Variants in SYNCRIP observed in about 807,000 individuals in gnomAD.
The protein encoded by SYNCRIP is synaptotagmin binding cytoplasmic RNA interacting protein.
A neutral mutation model predicts 68.9 loss-of-function variants in SYNCRIP; 9 were observed. That is an observed-to-expected ratio of 0.13 (90% CI 0.08 to 0.23). SYNCRIP has a LOEUF of 0.23. Ranked by LOEUF, SYNCRIP falls within the 10% of genes least tolerant of loss-of-function variation. The pLI, the probability that SYNCRIP is intolerant of heterozygous loss-of-function variation, is 1.00. For synonymous variants in SYNCRIP, 258 were observed against 254.0 expected (o/e 1.02, Z -0.15); for missense variants, 414 against 770.6 (o/e 0.54, Z 5.48).
chr6:85,623,887 A>G, intron 7 of SYNCRIP, 90 bp downstream of exon 7: 1 of 1,476,374 alleles, frequency 6.8e-7, no homozygotes, highest in Non-Finnish European at 9.3e-7. Context: ...GAGTCAATAA[A>G]TGTATTTAGA....
chr6:85,614,072 G>A lies in SYNCRIP; in HGVS notation c.*684C>T. 1.0e-6 allele frequency: 1 copy of A among 985,806 alleles called. No individual in the cohort carries two copies. The highest frequency in any genetic ancestry group is 1.2e-6 in the Non-Finnish European group (1 of 829,934). 61.1% of individuals were successfully genotyped at this position (985,806 alleles called of 1,614,324 possible). A position where few individuals can be genotyped will look rare whatever the true frequency, so the allele number is the denominator to read the frequency against. ...AAGCAGAAAACTGCAATAAATCAGT[G>A]TTGTGTAATGTGCAGACATATTCCA... On this transcript the variant is annotated 3_prime_UTR_variant, in exon 11 of 11. Coordinates refer to ENST00000369622, the MANE Select transcript of SYNCRIP (RefSeq NM_006372.5).
In SYNCRIP at chr6:85,640,631, G is replaced by A. The variant is rs1358518708; in HGVS notation, c.149-67C>T. The A allele has an allele frequency of 2.9e-5, 27 of 937,356 alleles. 1 individual carries two copies. In the East Asian group the frequency reaches 6.4e-4, roughly 22 times the overall value. The allele number at this position is 937,356 out of a possible 1,614,324, so 58.1% of individuals were successfully genotyped here. Reference sequence around the variant, plus strand: ...AAGATTTTTTAGAGAAGACTATGTTGGCAATACAGGTACATGTGTGCCTTT... The same window carrying A: ...AAGATTTTTTAGAGAAGACTATGTTAGCAATACAGGTACATGTGTGCCTTT... On this transcript the variant is annotated intron_variant, in intron 2 of 10. Coordinates refer to ENST00000369622, the MANE Select transcript of SYNCRIP (RefSeq NM_006372.5).
intron 6 of SYNCRIP, among the ~76,000 whole-genome samples, chr6:85,631,178 A>G (rs1422328779): frequency 6.6e-6 from 1 of 152,146 alleles, no homozygotes; most frequent in Non-Finnish European, 1.5e-5. Context: ...CGCCATCTCT[A>G]CTAAAAATAC....
At chr6:85,618,177 T>C (rs1805990767) in intron 10 of SYNCRIP, among the ~76,000 whole-genome samples, 1 of 152,160 alleles carries the variant, frequency 6.6e-6, no homozygotes. Context: ...TTTAACAAAA[T>C]GTATTAAGAT....
chr6:85,635,556 G>A (rs1370110345), intron 6 of SYNCRIP, among the ~76,000 whole-genome samples: 2 of 151,982 alleles, frequency 1.3e-5, no homozygotes, highest in Non-Finnish European at 2.9e-5. Context: ...TATCTTCTGA[G>A]GTCAAGAGTT....
chr6:85,625,472 C>G (rs931950678), intron 6 of SYNCRIP, among the ~76,000 whole-genome samples: 1 of 151,844 alleles, frequency 6.6e-6, no homozygotes, highest in East Asian at 1.9e-4. Context: ...ACTGCAACCT[C>G]CGCCTCCTGG....
At chr6:85,611,731 A>C (rs985186012), downstream of SYNCRIP, 1 of 152,532 alleles carries the variant, frequency 6.6e-6, no homozygotes, top group Non-Finnish European at 1.5e-5. Context: ...ACAAGTTATC[A>C]TGACCTGCAT....
chr6:85,638,174 C>T (rs1328658319), intron 4 of SYNCRIP, among the ~76,000 whole-genome samples: 1 of 152,032 alleles, frequency 6.6e-6, no homozygotes, highest in Non-Finnish European at 1.5e-5. Flanking sequence ...GAGCTCAAGA[C>T]CAGCCTGGCC....
chr6:85,619,262 A>G lies in SYNCRIP; in HGVS notation c.1158+6T>C, dbSNP rs1299330169. 2 of 1,613,360 alleles carry G rather than the reference A, an allele frequency of 1.2e-6. No homozygotes were observed. Among genetic ancestry groups the G allele is most frequent in the South Asian group, 1.1e-5 (1 of 90,906 alleles). On this transcript the variant is annotated splice_donor_region_variant and intron_variant, in intron 9 of 10. Coordinates refer to ENST00000369622, the MANE Select transcript of SYNCRIP (RefSeq NM_006372.5). The stretch of plus-strand genomic sequence containing the variant: ...ATTTAGATGCCTGTAATTCCACCAT[A>G]TTTACCTTGACAGCACCATCTCGCT...
rs547060823 is a variant in SYNCRIP, at chr6:85,620,071, AC to A, written c.1009-655del. Among the ~76,000 whole-genome samples the A allele has an allele frequency of 1.1e-3, 173 of 152,170 alleles. 1 individual carries two copies. The highest frequency in any genetic ancestry group is 3.8e-3 in the African/African-American group (159 of 41,510). ...AGACCAGCCTGGCCAACACAGTAACACCCCGTCTCTACAAAAATACAAAGAT... is the reference window on the plus strand; with the variant it reads ...AGACCAGCCTGGCCAACACAGTAACACCCGTCTCTACAAAAATACAAAGAT... On this transcript the variant is annotated intron_variant, in intron 8 of 10. Coordinates refer to ENST00000369622, the MANE Select transcript of SYNCRIP (RefSeq NM_006372.5).
intron 8 of SYNCRIP, among the ~76,000 whole-genome samples, chr6:85,620,236 ACT>A (rs759761052): frequency 1.3e-5 from 2 of 152,194 alleles, no homozygotes; most frequent in African/African-American, 4.8e-5. Flanking sequence ...ACACAGCGAG[ACT>A]CTGTCTCAAA....
chr6:85,638,705 A>C (rs942170987), intron 4 of SYNCRIP, among the ~76,000 whole-genome samples: 2 of 152,218 alleles, frequency 1.3e-5, no homozygotes, highest in Non-Finnish European at 2.9e-5. Context: ...ACTTGCTCAC[A>C]TCTATAACAT....
In SYNCRIP at chr6:85,637,360, GA is replaced by G. The variant is rs1397981020; in HGVS notation, c.376-5del. 1 of 1,599,136 alleles carries G rather than the reference GA, an allele frequency of 6.3e-7. No individual in the cohort carries two copies. On this transcript the variant is annotated splice_polypyrimidine_tract_variant and splice_region_variant and intron_variant, in intron 4 of 10. Coordinates refer to ENST00000369622, the MANE Select transcript of SYNCRIP (RefSeq NM_006372.5). ...AGCCTGTTCTTTCCAAGAGTGCCTT[GA>G]AAAGTTCAAACGTCATTAATACATT...
At chr6:85,628,702 A>G (rs963926382) in intron 6 of SYNCRIP, among the ~76,000 whole-genome samples, 2 of 152,196 alleles carry the variant, frequency 1.3e-5, no homozygotes, top group African/African-American at 4.8e-5. Context: ...TTATTTGGCA[A>G]CCACACATTA....
At chr6:85,620,303 G>A (rs1172926262) in intron 8 of SYNCRIP, among the ~76,000 whole-genome samples, 2 of 152,304 alleles carry the variant, frequency 1.3e-5, no homozygotes, top group African/African-American at 4.8e-5. Context: ...TCTTCAATGG[G>A]AGAATGGACA....
intron 6 of SYNCRIP, among the ~76,000 whole-genome samples, chr6:85,633,554 G>A (rs1808079883): frequency 6.6e-6 from 1 of 152,214 alleles, no homozygotes; most frequent in Middle Eastern, 3.4e-3. Context: ...TCACACCACT[G>A]CACCCCAGCC....
downstream of SYNCRIP, chr6:85,609,064 T>A (rs1466298167): frequency 1.3e-5 from 2 of 151,988 alleles, no homozygotes; most frequent in African/African-American, 4.8e-5. Flanking sequence ...TATGTATTTG[T>A]CACTTAATTT....
At chr6:85,641,771 A>G (rs1809188852) in intron 1 of SYNCRIP, among the ~76,000 whole-genome samples, 1 of 152,172 alleles carries the variant, frequency 6.6e-6, no homozygotes, top group African/African-American at 2.4e-5. Context: ...CGTTCGGAAA[A>G]TGAGGTGTGT....
Position 85,640,584 on chromosome 6 carries a change from TC to T in SYNCRIP, c.149-21del. Reference sequence around the variant, plus strand: ...CTAGCCCTGAAAAAAATAAAAGTTATCAGCTTTTAATATTTTTAGAAAAGAT... The same window carrying T: ...CTAGCCCTGAAAAAAATAAAAGTTATAGCTTTTAATATTTTTAGAAAAGAT... On this transcript the variant is annotated intron_variant, in intron 2 of 10. Transcript: ENST00000369622. 2.0e-6 allele frequency: 3 copies of T among 1,463,642 alleles called. No homozygotes were observed. Among genetic ancestry groups the T allele is most frequent in the Non-Finnish European group, 2.8e-6 (3 of 1,075,026 alleles). The allele number at this position is 1,463,642 out of a possible 1,614,324, so 90.7% of individuals were successfully genotyped here.
Sources: gnomAD v4.1 joint callset for allele counts (sites outside exome capture counted in the v4.1 genomes callset) on GRCh38, gnomAD v4.1.1 for gene constraint, MANE v1.5 for transcripts, NCBI Gene and HGNC (gene_info 2026-07-23, HGNC 2026-07-21) for gene names.